MED27: variants seen among roughly 807,000 people sequenced by gnomAD.
The protein encoded by MED27 is mediator complex subunit 27, also known as mediator of RNA polymerase II transcription subunit 27.
MED27 carries 30 observed loss-of-function variants against 38.2 expected under a neutral mutation model. The ratio of observed to expected loss-of-function variants is 0.79; its 90% confidence interval spans 0.59 to 1.07. MED27 has a LOEUF of 1.07. Ranked by LOEUF, MED27 falls within the 50% of genes least tolerant of loss-of-function variation. The pLI is 0.00. For synonymous variants in MED27, 122 were observed against 153.5 expected, an observed-to-expected ratio of 0.79 and a Z score of 1.52; for missense variants, 289 against 397.5, an observed-to-expected ratio of 0.73 and a Z score of 2.32.
chr9:132,032,665 C>G (rs1371551793), intron 2 of MED27, among the ~76,000 whole-genome samples: 6 of 152,176 alleles, frequency 3.9e-5, no homozygotes, highest in Admixed American at 3.9e-4. Flanking sequence ...GAGGGGTTGA[C>G]AGGTCCCAGG....
intron 2 of MED27, among the ~76,000 whole-genome samples, chr9:132,068,084 G>C (rs183255127): frequency 2.0e-5 from 3 of 152,070 alleles, no homozygotes; most frequent in Admixed American, 2.0e-4. Flanking sequence ...CCGCAAAAAG[G>C]GGGGAGGAAA....
chr9:132,030,212 C>T (rs1399919069), intron 2 of MED27, among the ~76,000 whole-genome samples: 1 of 152,222 alleles, frequency 6.6e-6, no homozygotes, highest in Non-Finnish European at 1.5e-5. Flanking sequence ...GTCTCAAAGA[C>T]AGCGGTGCCC....
At chr9:131,868,718 C>A (rs1293069566) in intron 6 of MED27, 1 of 985,378 alleles carries the variant, frequency 1.0e-6, no homozygotes. Flanking sequence ...CACTGACTCC[C>A]ATCCCCGCTC....
At chr9:131,938,577 T>A (rs1830723825) in intron 4 of MED27, among the ~76,000 whole-genome samples, 1 of 152,180 alleles carries the variant, frequency 6.6e-6, no homozygotes, top group African/African-American at 2.4e-5. Context: ...AATACAAACA[T>A]CTTCTAGGAG....
chr9:132,051,162 G>A lies in MED27; in HGVS notation c.348+26280C>T, dbSNP rs1251137207. ...GATGTGTCCCAAATAACATGTTCCC[G>A]ATAACAGTTAAAGTACATGAGATTA... is the stretch of plus-strand genomic sequence containing the variant. On this transcript the variant is annotated intron_variant, in intron 2 of 7. Transcript: ENST00000292035. This position sits in a 1 kb window ranked among gnomAD's most constrained non-coding sequence, Gnocchi z 4.2. Among the ~76,000 whole-genome samples, 1 of 152,096 alleles carries A rather than the reference G, an allele frequency of 6.6e-6. No homozygotes were observed. Among genetic ancestry groups the A allele is most frequent in the Non-Finnish European group, 1.5e-5 (1 of 68,030 alleles).
intron 2 of MED27, among the ~76,000 whole-genome samples, chr9:132,040,581 T>C (rs1833186263): frequency 6.6e-6 from 1 of 152,154 alleles, no homozygotes; most frequent in Admixed American, 6.5e-5. Context: ...AGGCAGCATG[T>C]TTACTTTTAG....
intron 6 of MED27, 100 bp from the exon 7 acceptor site, chr9:131,863,240 G>T: frequency 3.2e-6 from 3 of 929,196 alleles, no homozygotes; most frequent in Non-Finnish European, 5.1e-6. Flanking sequence ...ACAGATCTGA[G>T]TATCTCGTGG....
In MED27 at chr9:131,862,955, G is replaced by A. The variant is rs1838676204; in HGVS notation, c.801+108C>T. On this transcript the variant is annotated intron_variant, in intron 7 of 7. Transcript: ENST00000292035. The surrounding 1 kb of genome is among the most constrained non-coding windows in gnomAD (Gnocchi z 4.6). ...TAAACTGGCAGCCCCATCTCCCACTGGGAGGCCCTCAAAGTCTGAAGATGC... is the reference window on the plus strand; with the variant it reads ...TAAACTGGCAGCCCCATCTCCCACTAGGAGGCCCTCAAAGTCTGAAGATGC... The A allele has an allele frequency of 6.9e-6, 6 of 872,482 alleles. No individual in the cohort carries two copies. The highest frequency in any genetic ancestry group is 4.4e-5 in the Admixed American group (2 of 45,250). The allele number at this position is 872,482 out of a possible 1,614,324, so 54.0% of individuals were successfully genotyped here.
intron 2 of MED27, among the ~76,000 whole-genome samples, chr9:132,055,054 G>A (rs1223673741): frequency 1.3e-5 from 2 of 152,094 alleles, no homozygotes; most frequent in African/African-American, 4.8e-5. Flanking sequence ...TGTACCCTGT[G>A]GATCTGCTTC....
At chr9:132,072,933 G>A (rs1002619556) in intron 2 of MED27, among the ~76,000 whole-genome samples, 1 of 152,048 alleles carries the variant, frequency 6.6e-6, no homozygotes, top group Non-Finnish European at 1.5e-5. Context: ...AACCCTAAGA[G>A]GCTGGTGGAA....
intron 3 of MED27, among the ~76,000 whole-genome samples, chr9:131,987,269 G>A (rs1831874015): frequency 6.6e-6 from 1 of 151,996 alleles, no homozygotes. Context: ...CTTTTACTAA[G>A]TGTATGAACA....
intron 3 of MED27, among the ~76,000 whole-genome samples, chr9:131,985,451 CAT>C (rs1304483059): frequency 1.3e-5 from 2 of 152,134 alleles, no homozygotes; most frequent in Non-Finnish European, 1.5e-5. Flanking sequence ...GGTGAGACCG[CAT>C]ATATGACAGT....
At chr9:131,903,354 T>G (rs894932106) in intron 4 of MED27, among the ~76,000 whole-genome samples, 1 of 152,168 alleles carries the variant, frequency 6.6e-6, no homozygotes, top group African/African-American at 2.4e-5. Context: ...ACCCCCATGA[T>G]TCAATCATCT....
At chr9:132,035,953 A>C (rs1833066446) in intron 2 of MED27, among the ~76,000 whole-genome samples, 2 of 152,070 alleles carry the variant, frequency 1.3e-5, no homozygotes. Flanking sequence ...GCAATAGAGC[A>C]AGACCCTGTC....
chr9:132,008,608 G>T (rs951441280), intron 3 of MED27, among the ~76,000 whole-genome samples: 1 of 152,210 alleles, frequency 6.6e-6, no homozygotes. Context: ...GGAGCTCAGG[G>T]AGGAATCTGA....
At chr9:132,048,479 G>C (rs1185302462) in intron 2 of MED27, among the ~76,000 whole-genome samples, 2 of 152,150 alleles carry the variant, frequency 1.3e-5, no homozygotes, top group African/African-American at 4.8e-5. Context: ...TTCCAAAGTA[G>C]TTTGGTCTCT....
chr9:132,005,863 A>T (rs559239730), intron 3 of MED27, among the ~76,000 whole-genome samples: 6 of 152,318 alleles, frequency 3.9e-5, no homozygotes, highest in African/African-American at 1.4e-4. Context: ...GAGCTTAGGT[A>T]GTGTCAGTTA....
At chr9:131,886,276 A>T (rs992380084) in intron 5 of MED27, among the ~76,000 whole-genome samples, 5 of 152,178 alleles carry the variant, frequency 3.3e-5, no homozygotes, top group Non-Finnish European at 7.3e-5. Flanking sequence ...ACAGTAGAGA[A>T]GGTTAAGATG....
intron 4 of MED27, among the ~76,000 whole-genome samples, chr9:131,906,489 A>G (rs1830065522): frequency 6.6e-6 from 1 of 152,158 alleles, no homozygotes; most frequent in Non-Finnish European, 1.5e-5. Context: ...GCTGGCCACC[A>G]GGGGCCTTTG....
Sources: allele counts gnomAD v4.1 joint callset (sites outside exome capture counted in the v4.1 genomes callset), GRCh38; gene constraint gnomAD v4.1.1; non-coding constraint Gnocchi (gnomAD v3.1); transcripts MANE v1.5; gene names NCBI Gene and HGNC (gene_info 2026-07-23, HGNC 2026-07-21).